STMP1: variants seen among roughly 807,000 people sequenced by gnomAD.
The protein encoded by STMP1 is mitolamban.
Under a neutral mutation model 7.0 loss-of-function variants are expected in STMP1, and 7 were observed. The ratio of observed to expected loss-of-function variants is 1.01; its 90% CI spans 0.57 to 1.89. The LOEUF (loss-of-function observed/expected upper bound fraction) is 1.89. STMP1 is among the 40% of genes most tolerant of loss of function. The pLI is 0.00. For synonymous variants in STMP1, 19 were observed against 18.4 expected (o/e 1.03, Z -0.08); for missense variants, 45 against 53.0 (o/e 0.85, Z 0.47).
rs1049292884 is a variant in STMP1, at chr7:135,674,607, A to G, written c.*442A>G. 6.5e-6 allele frequency: 1 copy of G among 153,398 alleles called. No homozygotes were observed. Among genetic ancestry groups the G allele is most frequent in the African/African-American group, 2.4e-5 (1 of 41,482 alleles). 9.5% of individuals were successfully genotyped at this position (153,398 alleles called of 1,614,324 possible). Reference sequence around the variant, plus strand: ...ATTTGGTACTAAATTATGTTGCTGCAAAGTAATTAAAATTAGTATCTAGAG... The same window carrying G: ...ATTTGGTACTAAATTATGTTGCTGCGAAGTAATTAAAATTAGTATCTAGAG... On this transcript the variant is annotated 3_prime_UTR_variant, in exon 3 of 3. Transcript: ENST00000507606.
intron 1 of STMP1, 131 bp downstream of exon 1, chr7:135,662,725 C>T: frequency 1.9e-6 from 2 of 1,071,416 alleles, no homozygotes; most frequent in Non-Finnish European, 2.6e-6. Context: ...TCCCCCGCGC[C>T]TGGTCGTCGC....
At chr7:135,668,690 A>G (rs1795323573) in intron 1 of STMP1, among the ~76,000 whole-genome samples, 1 of 152,212 alleles carries the variant, frequency 6.6e-6, no homozygotes, top group Non-Finnish European at 1.5e-5. Flanking sequence ...AAGCGTAGCC[A>G]TTGTACCTGG....
chr7:135,671,588 G>GA (rs1795357594), intron 1 of STMP1, among the ~76,000 whole-genome samples: 1 of 152,128 alleles, frequency 6.6e-6, no homozygotes. Flanking sequence ...GGCCCTTTTG[G>GA]ATATATCTAA....
Position 135,675,562 on chromosome 7 carries a change from C to T in STMP1, c.*1397C>T, listed in dbSNP as rs181001895. On this transcript the variant is annotated 3_prime_UTR_variant, in exon 3 of 3. Coordinates refer to ENST00000507606, the MANE Select transcript of STMP1 (RefSeq NM_001130929.2). ...TCAATCCTAATGTTATTAAGCATAT[C>T]GATTCAGGGTATAGCTATAAGATGA... 5 of 152,216 alleles carry T rather than the reference C, an allele frequency of 3.3e-5. No homozygotes were observed. Among genetic ancestry groups the T allele is most frequent in the Admixed American group, 2.0e-4 (3 of 15,282 alleles). The allele number at this position is 152,216 out of a possible 1,614,324, so 9.4% of individuals were successfully genotyped here. A position where few individuals can be genotyped will look rare whatever the true frequency, so the allele number is the denominator to read the frequency against.
At position 135,675,386 on chromosome 7, in the gene STMP1, A is replaced by G. The variant is rs1414824251; in HGVS notation, c.*1221A>G. 1 of 150,498 alleles carries G rather than the reference A, an allele frequency of 6.6e-6. No individual in the cohort carries two copies. Among genetic ancestry groups the G allele is most frequent in the Non-Finnish European group, 1.5e-5 (1 of 67,664 alleles). 9.3% of individuals were successfully genotyped at this position (150,498 alleles called of 1,614,324 possible). ...TTTTTTTTTTCTTTTTTTCTTTTTT[A>G]ATGGAGATCATTCTATACCAGCATG... On this transcript the variant is annotated 3_prime_UTR_variant, in exon 3 of 3. Coordinates refer to ENST00000507606, the MANE Select transcript of STMP1 (RefSeq NM_001130929.2).
chr7:135,663,793 G>A (rs1334157195), intron 1 of STMP1, among the ~76,000 whole-genome samples: 3 of 152,124 alleles, frequency 2.0e-5, no homozygotes, highest in African/African-American at 4.8e-5. Flanking sequence ...TAGCTGGTGC[G>A]CGCCAGCAGG....
At chr7:135,672,257 C>T (rs1378208651) in intron 1 of STMP1, among the ~76,000 whole-genome samples, 5 of 152,272 alleles carry the variant, frequency 3.3e-5, no homozygotes, top group African/African-American at 4.8e-5. Flanking sequence ...GGGATATAGG[C>T]GTGAGCCTCT....
chr7:135,672,910 A>AT lies in STMP1; in HGVS notation c.69+105dup, dbSNP rs1795371662. On this transcript the variant is annotated intron_variant, in intron 2 of 2. Coordinates refer to ENST00000507606, the MANE Select transcript of STMP1 (RefSeq NM_001130929.2). The stretch of plus-strand genomic sequence containing the variant: ...GACTTCCAGCATAAATGTAGTCCAT[A>AT]TGGCTGAGGCAAAACTCCTGAATAT... The AT allele has an allele frequency of 3.3e-6, 3 of 913,160 alleles. No homozygotes were observed. The East Asian group carries it at 7.9e-5, about 24-fold the overall frequency. 56.6% of individuals were successfully genotyped at this position (913,160 alleles called of 1,614,324 possible). A position where few individuals can be genotyped will look rare whatever the true frequency, so the allele number is the denominator to read the frequency against.
chr7:135,668,604 A>G (rs1000726036), intron 1 of STMP1, among the ~76,000 whole-genome samples: 10 of 152,112 alleles, frequency 6.6e-5, no homozygotes, highest in East Asian at 3.9e-4. Context: ...TAGTTTCACC[A>G]TGATGCCCAG....
intron 1 of STMP1, chr7:135,665,732 C>T (rs1008027800): frequency 6.6e-6 from 1 of 152,030 alleles, no homozygotes; most frequent in Non-Finnish European, 1.5e-5. Context: ...GTAAAAGACA[C>T]CTCTTTGCAG....
chr7:135,668,329 A>T (rs950865443), intron 1 of STMP1, among the ~76,000 whole-genome samples: 3 of 152,096 alleles, frequency 2.0e-5, no homozygotes, highest in African/African-American at 7.2e-5. Flanking sequence ...TTTTCTGAGT[A>T]TAGGTACCGG....
intron 1 of STMP1, chr7:135,665,634 CTT>C (rs1051571022): frequency 4.7e-5 from 7 of 148,358 alleles, no homozygotes; most frequent in African/African-American, 1.8e-4. Context: ...TGTGTGTCGT[CTT>C]TGCGCAGGGG....
At chr7:135,665,980 C>T (rs568991553) in intron 1 of STMP1, among the ~76,000 whole-genome samples, 1 of 151,782 alleles carries the variant, frequency 6.6e-6, no homozygotes, top group Non-Finnish European at 1.5e-5. Flanking sequence ...TGGCTCACTG[C>T]ACCCTCCGCC....
At chr7:135,669,829 C>A (rs982661853) in intron 1 of STMP1, among the ~76,000 whole-genome samples, 4 of 152,204 alleles carry the variant, frequency 2.6e-5, no homozygotes, top group African/African-American at 9.7e-5. Context: ...CATAAATAGG[C>A]TCCTGTTAGT....
rs1012269167 is a variant in STMP1, at chr7:135,666,134, C to T, written c.15+3540C>T. On this transcript the variant is annotated intron_variant, in intron 1 of 2. Transcript: ENST00000507606. The stretch of plus-strand genomic sequence containing the variant: ...TTTTAGTAGAGATGGGGTTTCACCA[C>T]GTTGGCCAGCCTGGTCTTGAACTCC... 1.3e-5 allele frequency among the ~76,000 whole-genome samples: 2 copies of T among 152,068 alleles called. 1 individual carries two copies. The highest frequency in any genetic ancestry group is 1.3e-4 in the Admixed American group (2 of 15,264).
chr7:135,662,534 AGCT>A lies in STMP1; in HGVS notation c.-40_-38del, dbSNP rs1795242495. 1.3e-6 allele frequency: 2 copies of A among 1,535,852 alleles called. No homozygotes were observed. The highest frequency in any genetic ancestry group is 2.0e-5 in the Admixed American group (1 of 49,940). ...GAGGTAGGCTCGGACCGGCCCGCGG[AGCT>A]GCTGCAGTCCTTCGCGCCCTCCTCG... On this transcript the variant is annotated 5_prime_UTR_variant, in exon 1 of 3. Coordinates refer to ENST00000507606, the MANE Select transcript of STMP1 (RefSeq NM_001130929.2).
chr7:135,675,353 C>T lies in STMP1; in HGVS notation c.*1188C>T, dbSNP rs1456173357. ...ATAGTAACTATACATGGAGGTCTAG[C>T]CCTCGCCTTTTTTTTTTCTTTTTTT... On this transcript the variant is annotated 3_prime_UTR_variant, in exon 3 of 3. Transcript: ENST00000507606. 6.6e-6 allele frequency: 1 copy of T among 152,008 alleles called. No homozygotes were observed. Among genetic ancestry groups the T allele is most frequent in the Non-Finnish European group, 1.5e-5 (1 of 68,014 alleles). 9.4% of individuals were successfully genotyped at this position (152,008 alleles called of 1,614,324 possible).
At chr7:135,672,055 C>T (rs1795361527) in intron 1 of STMP1, among the ~76,000 whole-genome samples, 1 of 152,226 alleles carries the variant, frequency 6.6e-6, no homozygotes, top group African/African-American at 2.4e-5. Context: ...TCTCAGCTCA[C>T]TGTAACCTCT....
Position 135,674,210 on chromosome 7 carries a change from C to T in STMP1, c.*45C>T. On this transcript the variant is annotated 3_prime_UTR_variant, in exon 3 of 3. Transcript: ENST00000507606. ...TTCAGGATATACTGATTCTACTGCT[C>T]TTGAGGGCCTCGTTTACTATCTGAA... 1 of 1,379,530 alleles carries T rather than the reference C, an allele frequency of 7.2e-7. No individual in the cohort carries two copies. Among genetic ancestry groups the T allele is most frequent in the Non-Finnish European group, 9.9e-7 (1 of 1,015,002 alleles). The allele number at this position is 1,379,530 out of a possible 1,614,324, so 85.5% of individuals were successfully genotyped here.
Sources: allele counts gnomAD v4.1 joint callset (sites outside exome capture counted in the v4.1 genomes callset), GRCh38; gene constraint gnomAD v4.1.1; transcripts MANE v1.5; gene names NCBI Gene and HGNC (gene_info 2026-07-23, HGNC 2026-07-21).